The following POU6F2 variants were observed in gnomAD, a reference collection of about 807,000 sequenced individuals.
The protein encoded by POU6F2 is POU class 6 homeobox 2.
A neutral mutation model predicts 71.3 loss-of-function variants in POU6F2; 31 were observed. The observed-to-expected ratio is 0.43, with a 90% confidence interval of 0.33 to 0.59. The LOEUF (loss-of-function observed/expected upper bound fraction) is 0.59, where lower values mean the gene tolerates loss of function less well. POU6F2 is among the 20% of genes least tolerant of loss of function. The probability of loss-of-function intolerance (pLI) is 0.04; values close to 1 mark genes in which losing one functional copy is unlikely to be tolerated. For missense variants in POU6F2, 783 were observed against 856.8 expected (o/e 0.91, Z 1.07); for synonymous variants, 347 against 355.7 (o/e 0.98, Z 0.27).
At chr7:39,101,560 C>A (rs1474849546) in intron 2 of POU6F2, among the ~76,000 whole-genome samples, 1 of 150,712 alleles carries the variant, frequency 6.6e-6, no homozygotes, top group African/African-American at 2.4e-5. Context: ...TGAGAATTTG[C>A]AGGTTGTGGG....
rs201820236 is a variant in POU6F2 at position 39,242,545 on chromosome 7, TG to T, written c.598+34933del. ...AAGTGTCTAAAAAGAAAGGCTTTTT[TG>T]GGGGGGGTCATGATATGGTAAAATC... On this transcript the variant is annotated intron_variant, in intron 4 of 9. Coordinates refer to ENST00000518318, the MANE Select transcript of POU6F2 (RefSeq NM_001370959.1). Among the ~76,000 whole-genome samples the T allele has an allele frequency of 1.1e-3, 172 of 151,676 alleles. 1 individual carries two copies. Among genetic ancestry groups the T allele is most frequent in the African/African-American group, 3.7e-3 (151 of 41,356 alleles).
At chr7:39,322,931 C>A (rs1785425620) in intron 4 of POU6F2, among the ~76,000 whole-genome samples, 1 of 152,118 alleles carries the variant, frequency 6.6e-6, no homozygotes, top group South Asian at 2.1e-4. Context: ...AGAAATTCTC[C>A]AGTGGTATCT....
At chr7:39,185,411 T>C (rs769580492) in intron 2 of POU6F2, among the ~76,000 whole-genome samples, 6 of 152,178 alleles carry the variant, frequency 3.9e-5, no homozygotes, top group Admixed American at 6.5e-5. Context: ...TAAACTTCTG[T>C]TTTAACTGTT....
chr7:39,397,492 A>G (rs1412075346), intron 5 of POU6F2, among the ~76,000 whole-genome samples: 1 of 148,760 alleles, frequency 6.7e-6, no homozygotes, highest in African/African-American at 2.4e-5. Flanking sequence ...ATATATATAT[A>G]TATATATATA....
intron 2 of POU6F2, among the ~76,000 whole-genome samples, chr7:39,193,536 A>G (rs1405302002): frequency 1.3e-5 from 2 of 152,236 alleles, no homozygotes; most frequent in Non-Finnish European, 2.9e-5. Context: ...TCCCAACTCT[A>G]TCACTCACTA....
intron 4 of POU6F2, among the ~76,000 whole-genome samples, chr7:39,246,727 GCAGTCATAAA>G (rs1042897821): frequency 2.6e-5 from 4 of 151,820 alleles, no homozygotes; most frequent in African/African-American, 9.7e-5. Flanking sequence ...AGCAGTAATA[GCAGTCATAAA>G]CTGGGGCCCT....
intron 2 of POU6F2, among the ~76,000 whole-genome samples, chr7:39,131,192 C>T (rs1328095463): frequency 6.6e-6 from 1 of 152,096 alleles, no homozygotes; most frequent in East Asian, 1.9e-4. Context: ...TGCTTTTTTC[C>T]CCTTCCCCTC....
At chr7:39,431,128 G>C (rs1788089456) in intron 6 of POU6F2, among the ~76,000 whole-genome samples, 2 of 152,174 alleles carry the variant, frequency 1.3e-5, no homozygotes, top group Admixed American at 1.3e-4. Context: ...GATGCTGCGG[G>C]CCAGGCATTG....
intron 4 of POU6F2, among the ~76,000 whole-genome samples, chr7:39,295,233 C>T (rs112072916): frequency 7.9e-5 from 12 of 151,420 alleles, no homozygotes; most frequent in Non-Finnish European, 4.4e-5. Flanking sequence ...AGGGGGTATG[C>T]GTGATTGAGT....
intron 4 of POU6F2, among the ~76,000 whole-genome samples, chr7:39,261,765 A>G (rs1784142677): frequency 6.6e-6 from 1 of 152,140 alleles, no homozygotes; most frequent in Non-Finnish European, 1.5e-5. Flanking sequence ...TTTGTTTTCT[A>G]CTATGTTGTT....
At chr7:39,181,225 C>T (rs941964889) in intron 2 of POU6F2, among the ~76,000 whole-genome samples, 4 of 152,174 alleles carry the variant, frequency 2.6e-5, no homozygotes, top group Non-Finnish European at 5.9e-5. Context: ...ATGCCACTAA[C>T]ACACCATAAC....
chr7:39,440,871 C>CTTG (rs201369280), intron 7 of POU6F2, among the ~76,000 whole-genome samples: 2,708 of 151,910 alleles, frequency 0.018, 58 homozygotes, highest in East Asian at 0.06. Flanking sequence ...TTTGTGAGGG[C>CTTG]TTGTTGTTGT....
intron 4 of POU6F2, among the ~76,000 whole-genome samples, chr7:39,282,830 AT>A (rs879237180): frequency 1.3e-5 from 2 of 152,114 alleles, no homozygotes; most frequent in Non-Finnish European, 2.9e-5. Flanking sequence ...TGTCACTGGT[AT>A]TTTAATAGGG....
rs1583625420 is a variant in POU6F2 at position 39,464,545 on chromosome 7, C to A, written c.2022C>A (p.Asn674Lys). 1 of 1,613,224 alleles carries A rather than the reference C, an allele frequency of 6.2e-7. No homozygotes were observed. Among genetic ancestry groups the A allele is most frequent in the Non-Finnish European group, 8.5e-7 (1 of 1,179,564 alleles). ...TGACCGAAATTGCTGAGAAGCTGAA[C>A]TATGACCGAGAAGTAGTTAGAGTTT... ...QEMTEIAEKL[N>K]YDREVVRVWF... The change falls in exon 10 of 10, where the codon AAC (asparagine) becomes AAA (lysine). Residue 674 changes from asparagine to lysine, a missense_variant. Physicochemically the swap from Asn to Lys is moderately conservative, Grantham distance 94. Transcript: ENST00000518318. The surrounding 1 kb of genome is among the most constrained non-coding windows in gnomAD (Gnocchi z 4.1).
chr7:39,204,233 A>G lies in POU6F2; in HGVS notation c.278-2A>G, dbSNP rs748024918. 30 of 1,612,856 alleles carry G rather than the reference A, an allele frequency of 1.9e-5. No individual in the cohort carries two copies. The highest frequency in any genetic ancestry group is 2.5e-5 in the Non-Finnish European group (30 of 1,179,206). On this transcript the variant is annotated splice_acceptor_variant, in intron 2 of 9. Coordinates refer to ENST00000518318, the MANE Select transcript of POU6F2 (RefSeq NM_001370959.1). LOFTEE classifies it high-confidence loss of function. ...AGGGAGTATTTCTCTTTTGAATTCCAGGGGCTAGAGGAAACCCAGCATTAT... is the reference window on the plus strand; with the variant it reads ...AGGGAGTATTTCTCTTTTGAATTCCGGGGGCTAGAGGAAACCCAGCATTAT...
At chr7:39,250,983 T>G (rs1783905268) in intron 4 of POU6F2, among the ~76,000 whole-genome samples, 2 of 152,218 alleles carry the variant, frequency 1.3e-5, no homozygotes, top group African/African-American at 4.8e-5. Context: ...CCTTGAGGCC[T>G]GCTAACCTGG....
intron 5 of POU6F2, among the ~76,000 whole-genome samples, chr7:39,390,819 G>A (rs1787059123): frequency 6.6e-6 from 1 of 152,072 alleles, no homozygotes; most frequent in Non-Finnish European, 1.5e-5. Context: ...AGTTAAACAA[G>A]CTGAACAGGG....
At chr7:39,101,705 T>C (rs957609012) in intron 2 of POU6F2, among the ~76,000 whole-genome samples, 1 of 152,170 alleles carries the variant, frequency 6.6e-6, no homozygotes, top group Non-Finnish European at 1.5e-5. Flanking sequence ...TTCAAAATTC[T>C]CAAAAGAGTA....
chr7:39,246,905 CTTTTTTTT>C (rs398004470), intron 4 of POU6F2, among the ~76,000 whole-genome samples: 2 of 78,156 alleles, frequency 2.6e-5, no homozygotes, highest in Non-Finnish European at 4.4e-5. Context: ...TCCAGGGTGG[CTTTTTTTT>C]TTTTTTTTTT....
Sources: gnomAD v4.1 joint callset for allele counts (sites outside exome capture counted in the v4.1 genomes callset) on GRCh38, gnomAD v4.1.1 for gene constraint, Gnocchi (gnomAD v3.1) non-coding constraint, MANE v1.5 for transcripts, NCBI Gene and HGNC (gene_info 2026-07-23, HGNC 2026-07-21) for gene names.